GSDME: variants seen among roughly 807,000 people sequenced by gnomAD.
The protein encoded by GSDME is gasdermin-E.
A neutral mutation model predicts 47.5 loss-of-function variants in GSDME; 44 were observed. The ratio of observed to expected loss-of-function variants is 0.93; its 90% confidence interval spans 0.73 to 1.19. GSDME has a LOEUF of 1.19. Among genes scored for constraint, GSDME ranks in the 50% most tolerant of loss-of-function variants. The probability of loss-of-function intolerance (pLI) is 0.00; values close to 1 mark genes in which losing one functional copy is unlikely to be tolerated. For missense variants in GSDME, 663 were observed against 604.2 expected, an observed-to-expected ratio of 1.10 and a Z score of -1.02; for synonymous variants, 258 against 252.8, an observed-to-expected ratio of 1.02 and a Z score of -0.20.
intron 3 of GSDME, among the ~76,000 whole-genome samples, chr7:24,731,197 T>C (rs913112155): frequency 6.6e-6 from 1 of 152,174 alleles, no homozygotes; most frequent in Admixed American, 6.5e-5. Flanking sequence ...AAGGTCTTAC[T>C]GACATTGCTC....
At chr7:24,748,063 A>T (rs1269187291) in intron 2 of GSDME, among the ~76,000 whole-genome samples, 1 of 151,840 alleles carries the variant, frequency 6.6e-6, no homozygotes, top group Non-Finnish European at 1.5e-5. Context: ...AATTGTATTT[A>T]AAAATATTTA....
At chr7:24,707,002 T>C (rs568309435) in intron 7 of GSDME, among the ~76,000 whole-genome samples, 1 of 152,322 alleles carries the variant, frequency 6.6e-6, no homozygotes, top group Non-Finnish European at 1.5e-5. Context: ...CATTTTCCTC[T>C]TGGAAGAAGT....
At chr7:24,738,260 A>T (rs1009914684) in intron 3 of GSDME, among the ~76,000 whole-genome samples, 29 of 152,194 alleles carry the variant, frequency 1.9e-4, no homozygotes, top group Non-Finnish European at 3.5e-4. Context: ...TAAAGCCAAT[A>T]AACAAATTCA....
chr7:24,777,625 C>A, the GSDME span, among the ~76,000 whole-genome samples: 12,095 of 149,452 alleles, frequency 0.081, 688 homozygotes, highest in Non-Finnish European at 0.12. Flanking sequence ...AGATCATTAG[C>A]TTAGCTCAAG....
At chr7:24,741,178 TA>T (rs895680844) in intron 3 of GSDME, among the ~76,000 whole-genome samples, 11 of 152,210 alleles carry the variant, frequency 7.2e-5, no homozygotes, top group African/African-American at 2.6e-4. Flanking sequence ...CCTAGGAAAT[TA>T]GAAGCAACAA....
At chr7:24,758,580 G>T (rs763661039), upstream of GSDME, among the ~76,000 whole-genome samples, 2 of 152,236 alleles carry the variant, frequency 1.3e-5, no homozygotes, top group African/African-American at 2.4e-5. The surrounding 1 kb of genome is among the most constrained non-coding windows in gnomAD (Gnocchi z 4.6). Context: ...GTATGGAGTT[G>T]TGTGGCTGTC....
intron 9 of GSDME, 150 bp downstream of exon 9, chr7:24,702,610 A>C (rs937987855): frequency 4.4e-6 from 3 of 685,814 alleles, no homozygotes; most frequent in Non-Finnish European, 8.2e-6. Flanking sequence ...GATGTGTATA[A>C]AAGTGGGGTT....
chr7:24,707,204 A>G, intron 7 of GSDME: 1 of 411,594 alleles, frequency 2.4e-6, no homozygotes, highest in Non-Finnish European at 4.9e-6. Flanking sequence ...TTCCCTGGAA[A>G]CCATAAAGCA....
chr7:24,707,142 C>T (rs771720356), intron 7 of GSDME: 1 of 364,076 alleles, frequency 2.7e-6, no homozygotes, highest in Non-Finnish European at 5.4e-6. Flanking sequence ...TCACTGATAC[C>T]CAGGCTCTTT....
At chr7:24,746,848 TC>T (rs1204683727) in intron 2 of GSDME, among the ~76,000 whole-genome samples, 3 of 152,136 alleles carry the variant, frequency 2.0e-5, no homozygotes, top group African/African-American at 7.2e-5. Context: ...CCTACACCCT[TC>T]ACAGCCCTGG....
At chr7:24,787,821 C>G in the GSDME span, among the ~76,000 whole-genome samples, 2 of 152,198 alleles carry the variant, frequency 1.3e-5, no homozygotes, top group African/African-American at 2.4e-5. This position sits in a 1 kb window ranked among gnomAD's most constrained non-coding sequence, Gnocchi z 5.0. Context: ...ATTCTCCTGC[C>G]TCAGCCTCCT....
At position 24,699,202 on chromosome 7, in the gene GSDME, G is replaced by C. The variant is rs755080059; in HGVS notation, c.1315C>G (p.Leu439Val). 1.2e-6 allele frequency: 2 copies of C among 1,614,154 alleles called. No individual in the cohort carries two copies. The highest frequency in any genetic ancestry group is 2.2e-5 in the South Asian group (2 of 91,086). Reference protein sequence around the residue: ...SDLEDPTLTPLKDTERFGIVQ... With the variant: ...SDLEDPTLTPVKDTERFGIVQ... ...ATCCCAAACCTTTCTGTATCTTTCA[G>C]GGGAGTCAAGGTTGGGTCTTCAAGA... Residue 439 changes from leucine (L) to valine (V), a missense_variant, in exon 10 of 10, where the codon CTG becomes GTG. By Grantham distance (32) the Leu-to-Val change is conservative (BLOSUM62 1). Transcript: ENST00000645220.
In GSDME at chr7:24,736,971, C is replaced by T. The variant is rs1790326178; in HGVS notation, c.404+7591G>A. On this transcript the variant is annotated intron_variant, in intron 3 of 9. Transcript: ENST00000645220. This position sits in a 1 kb window ranked among gnomAD's most constrained non-coding sequence, Gnocchi z 4.6. ...GAAATTTTATTGAAACAAATGATAA[C>T]AGAAACACAACAGCAAAACCTATGG... Among the ~76,000 whole-genome samples, 1 of 151,954 alleles carries T rather than the reference C, an allele frequency of 6.6e-6. No homozygotes were observed. Among genetic ancestry groups the T allele is most frequent in the South Asian group, 2.1e-4 (1 of 4,818 alleles).
At chr7:24,737,250 T>A (rs964431310) in intron 3 of GSDME, among the ~76,000 whole-genome samples, 5 of 151,792 alleles carry the variant, frequency 3.3e-5, no homozygotes, top group African/African-American at 1.2e-4. Context: ...TTGACAAACC[T>A]TTAGCCAGAC....
chr7:24,789,076 ACT>A, the GSDME span, among the ~76,000 whole-genome samples: 1 of 152,172 alleles, frequency 6.6e-6, no homozygotes, highest in Non-Finnish European at 1.5e-5. Flanking sequence ...TATGTCAGTA[ACT>A]CTGCAATATA....
At chr7:24,727,756 C>T (rs984361813) in intron 3 of GSDME, among the ~76,000 whole-genome samples, 1 of 152,198 alleles carries the variant, frequency 6.6e-6, no homozygotes, top group Non-Finnish European at 1.5e-5. Flanking sequence ...TCAGTAACTG[C>T]CCCCCTAAAA....
At position 24,721,027 on chromosome 7, in the gene GSDME, T is replaced by C. The variant is rs1159270416; in HGVS notation, c.405-1809A>G. On this transcript the variant is annotated intron_variant, in intron 3 of 9. Transcript: ENST00000645220. The surrounding 1 kb of genome is among the most constrained non-coding windows in gnomAD (Gnocchi z 4.1). ...GAGCAATATTGTGTGGTTCCTCATA[T>C]GAAATATCTGGAACAGGCAAATTCA... is the stretch of plus-strand genomic sequence containing the variant. Among the ~76,000 whole-genome samples the C allele has an allele frequency of 6.6e-6, 1 of 152,230 alleles. No homozygotes were observed. The highest frequency in any genetic ancestry group is 2.4e-5 in the African/African-American group (1 of 41,452).
chr7:24,755,720 T>C (rs545667623), intron 1 of GSDME, among the ~76,000 whole-genome samples: 6 of 152,338 alleles, frequency 3.9e-5, no homozygotes, highest in African/African-American at 1.4e-4. Flanking sequence ...CACTCTACTC[T>C]GCTGGCTCCC....
chr7:24,708,860 G>A (rs56166864), intron 6 of GSDME, among the ~76,000 whole-genome samples: 5,847 of 152,246 alleles, frequency 0.038, 155 homozygotes, highest in Non-Finnish European at 0.057. Flanking sequence ...GATGCTTAGG[G>A]GCCTCTCCCC....
Sources: gnomAD v4.1 joint callset for allele counts (sites outside exome capture counted in the v4.1 genomes callset) on GRCh38, gnomAD v4.1.1 for gene constraint, Gnocchi (gnomAD v3.1) non-coding constraint, MANE v1.5 for transcripts, NCBI Gene and HGNC (gene_info 2026-07-23, HGNC 2026-07-21) for gene names.